Variants in ARMC9 observed in about 807,000 individuals in gnomAD.
The protein encoded by ARMC9 is lisH domain-containing protein ARMC9.
In ARMC9, 94 loss-of-function variants were observed where a neutral mutation model predicts 107.0. The ratio of observed to expected loss-of-function variants is 0.88; its 90% CI spans 0.74 to 1.04. ARMC9 has a LOEUF of 1.04. ARMC9 is among the 50% of genes least tolerant of loss of function. The pLI is 0.00. For missense variants in ARMC9, 942 were observed against 1,030.1 expected (o/e 0.91, Z 1.17); for synonymous variants, 380 against 396.9 (o/e 0.96, Z 0.51).
chr2:231,371,123 G>A (rs536556359), intron 24 of ARMC9: 13 of 487,490 alleles, frequency 2.7e-5, no homozygotes, highest in East Asian at 1.2e-4. Flanking sequence ...GGGGAGGCTC[G>A]GCCAGGAGGA....
rs991093477 is a variant in ARMC9, at chr2:231,374,286, G to A, written c.*2751G>A. The A allele has an allele frequency of 5.9e-5, 9 of 152,186 alleles. No individual in the cohort carries two copies. Among genetic ancestry groups the A allele is most frequent in the African/African-American group, 1.9e-4 (8 of 41,442 alleles). The allele number at this position is 152,186 out of a possible 1,614,324, so 9.4% of individuals were successfully genotyped here. On this transcript the variant is annotated 3_prime_UTR_variant, in exon 25 of 25. Transcript: ENST00000611582. ...GGATCTTTGGACCTTCTGGAAAATG[G>A]TAAGGCCCCAGGTAGATTATGGCTC...
chr2:231,359,207 C>G (rs1331119823), intron 22 of ARMC9, among the ~76,000 whole-genome samples: 1 of 152,022 alleles, frequency 6.6e-6, no homozygotes, highest in Non-Finnish European at 1.5e-5. Context: ...CTGCCTCAGC[C>G]TCCTGAGTAG....
intron 23 of ARMC9, among the ~76,000 whole-genome samples, chr2:231,365,783 G>T (rs1490652429): frequency 1.3e-5 from 2 of 152,238 alleles, no homozygotes; most frequent in African/African-American, 4.8e-5. Context: ...CGGCCTCCTG[G>T]GGCTTCATGT....
intron 14 of ARMC9, among the ~76,000 whole-genome samples, chr2:231,274,189 C>G (rs1312085167): frequency 6.6e-6 from 1 of 152,190 alleles, no homozygotes; most frequent in East Asian, 1.9e-4. Context: ...GCAATCTTGG[C>G]TCACTGCAAC....
At position 231,291,345 on chromosome 2, in the gene ARMC9, A is replaced by G. The variant is rs1396310594; in HGVS notation, c.1627-8A>G. ...AATGTTAACTATTACTTTCGCCAAT[A>G]CTTCTAGGGAATGGAAGACATCCTA... On this transcript the variant is annotated splice_polypyrimidine_tract_variant and splice_region_variant and intron_variant, in intron 17 of 24. Coordinates refer to ENST00000611582, the MANE Select transcript of ARMC9 (RefSeq NM_001352754.2). 6.2e-7 allele frequency: 1 copy of G among 1,611,230 alleles called. No homozygotes were observed. The highest frequency in any genetic ancestry group is 2.2e-5 in the East Asian group (1 of 44,828).
chr2:231,206,401 G>A, intron 2 of ARMC9, 112 bp downstream of exon 2: 1 of 894,838 alleles, frequency 1.1e-6, no homozygotes, highest in East Asian at 2.8e-5. Context: ...TTGTTATGTT[G>A]GAGCTATTTT....
At chr2:231,344,605 C>T (rs1055161870) in intron 20 of ARMC9, among the ~76,000 whole-genome samples, 1 of 152,154 alleles carries the variant, frequency 6.6e-6, no homozygotes, top group Admixed American at 6.5e-5. Context: ...TAACATACTG[C>T]GCATGTGGAA....
Position 231,267,571 on chromosome 2 carries a change from G to T in ARMC9, c.1120-3411G>T, listed in dbSNP as rs1219003869. ...TGCCTAAGGGCAATGGTGAGCTGCTGTGTATTTTGGCTTTACGCTCACTTG... is the reference window on the plus strand; with the variant it reads ...TGCCTAAGGGCAATGGTGAGCTGCTTTGTATTTTGGCTTTACGCTCACTTG... On this transcript the variant is annotated intron_variant, in intron 12 of 24. Transcript: ENST00000611582. Among the ~76,000 whole-genome samples, 4 of 152,304 alleles carry T rather than the reference G, an allele frequency of 2.6e-5. No homozygotes were observed. In the East Asian group the frequency reaches 7.7e-4, roughly 29 times the overall value.
intron 20 of ARMC9, among the ~76,000 whole-genome samples, chr2:231,342,143 G>A (rs1202581894): frequency 6.6e-6 from 1 of 152,206 alleles, no homozygotes; most frequent in Non-Finnish European, 1.5e-5. Flanking sequence ...GCAAGGGGAG[G>A]GGAAGCCCAG....
intron 20 of ARMC9, among the ~76,000 whole-genome samples, chr2:231,334,182 G>T (rs1195848577): frequency 6.6e-6 from 1 of 152,336 alleles, no homozygotes; most frequent in East Asian, 1.9e-4. Flanking sequence ...GTGAAGATGG[G>T]AAGAGCCAGT....
chr2:231,370,013 C>T lies in ARMC9; in HGVS notation c.2322C>T (p.Asp774=). ...CCCCCTGCACTCCAGAGATGCTGGA[C>T]TGGAACCCACCCAAGGCAAAGGCGT... is the stretch of plus-strand genomic sequence containing the variant. ...PRAPCTPEML[D]WNPPKAKASV... is the part of the protein sequence containing the mutation. The change falls in exon 24 of 25, where the codon GAC becomes GAT. Residue 774 remains aspartate, a synonymous_variant. Coordinates refer to ENST00000611582, the MANE Select transcript of ARMC9 (RefSeq NM_001352754.2). 2 of 1,535,728 alleles carry T rather than the reference C, an allele frequency of 1.3e-6. No individual in the cohort carries two copies. Among genetic ancestry groups the T allele is most frequent in the Non-Finnish European group, 1.7e-6 (2 of 1,146,674 alleles).
rs2037822928 is a variant in ARMC9, at chr2:231,256,448, A to C, written c.880-138A>C. 12 of 1,257,284 alleles carry C rather than the reference A, an allele frequency of 9.5e-6. No individual in the cohort carries two copies. In the South Asian group the frequency reaches 1.2e-4, roughly 13 times the overall value. 77.9% of individuals were successfully genotyped at this position (1,257,284 alleles called of 1,614,324 possible). Reference sequence around the variant, plus strand: ...AATAAAGCGTTTGTGTTTCAAGTTAAAAAAAAAAACCAAAAAAAAAAACCC... The same window carrying C: ...AATAAAGCGTTTGTGTTTCAAGTTACAAAAAAAAACCAAAAAAAAAAACCC... On this transcript the variant is annotated intron_variant, in intron 9 of 24. Coordinates refer to ENST00000611582, the MANE Select transcript of ARMC9 (RefSeq NM_001352754.2).
Position 231,360,690 on chromosome 2 carries a change from G to A in ARMC9, c.2132-64G>A, listed in dbSNP as rs1448701220. On this transcript the variant is annotated intron_variant, in intron 22 of 24. Coordinates refer to ENST00000611582, the MANE Select transcript of ARMC9 (RefSeq NM_001352754.2). The surrounding 1 kb of genome is among the most constrained non-coding windows in gnomAD (Gnocchi z 4.7). ...TTCTTGGCTTTCCAACCCAGCCCACGAGAGGGCATCCTTAGAGGGGCTCCA... is the reference window on the plus strand; with the variant it reads ...TTCTTGGCTTTCCAACCCAGCCCACAAGAGGGCATCCTTAGAGGGGCTCCA... 1.3e-6 allele frequency: 2 copies of A among 1,535,556 alleles called. No individual in the cohort carries two copies. Among genetic ancestry groups the A allele is most frequent in the Admixed American group, 2.0e-5 (1 of 50,998 alleles).
At chr2:231,331,928 A>C (rs1414369371) in intron 20 of ARMC9, 31 bp downstream of exon 20, 1 of 1,557,988 alleles carries the variant, frequency 6.4e-7, no homozygotes, top group Admixed American at 1.7e-5. Flanking sequence ...GGGGATCCTG[A>C]AACAGAAAGG....
intron 19 of ARMC9, among the ~76,000 whole-genome samples, chr2:231,312,936 A>G (rs1319316429): frequency 6.6e-6 from 1 of 152,136 alleles, no homozygotes; most frequent in Non-Finnish European, 1.5e-5. Context: ...AAGCTCTGGG[A>G]ATGTTGTAAA....
At chr2:231,296,938 C>T (rs2041413225) in intron 19 of ARMC9, among the ~76,000 whole-genome samples, 1 of 152,206 alleles carries the variant, frequency 6.6e-6, no homozygotes, top group Non-Finnish European at 1.5e-5. Context: ...CCTTCATTTG[C>T]AGGGAGCAGT....
At position 231,358,453 on chromosome 2, in the gene ARMC9, C is replaced by T. The variant is rs1023161965; in HGVS notation, c.2132-2301C>T. Reference sequence around the variant, plus strand: ...TTGGGCTCAAGCGATCCTCCCGCCTCGGCCTCCCAAAGTGCTGGGATTACA... The same window carrying T: ...TTGGGCTCAAGCGATCCTCCCGCCTTGGCCTCCCAAAGTGCTGGGATTACA... On this transcript the variant is annotated intron_variant, in intron 22 of 24. Transcript: ENST00000611582. The surrounding 1 kb of genome is among the most constrained non-coding windows in gnomAD (Gnocchi z 4.5). Among the ~76,000 whole-genome samples the T allele has an allele frequency of 3.3e-5, 5 of 152,240 alleles. No individual in the cohort carries two copies. The highest frequency in any genetic ancestry group is 4.8e-5 in the African/African-American group (2 of 41,540).
chr2:231,237,176 G>GTA (rs2035793728), intron 8 of ARMC9, among the ~76,000 whole-genome samples: 1 of 8,280 alleles, frequency 1.2e-4, no homozygotes, highest in Admixed American at 1.3e-3. Flanking sequence ...CTGCGTATGC[G>GTA]TGTGTGTGTG....
intron 24 of ARMC9, chr2:231,371,051 C>A (rs754714675): frequency 4.4e-6 from 2 of 457,084 alleles, no homozygotes; most frequent in South Asian, 3.1e-5. Context: ...GGAAACACAC[C>A]CAAAACCCCA....
Sources: gnomAD v4.1 joint callset for allele counts (sites outside exome capture counted in the v4.1 genomes callset) on GRCh38, gnomAD v4.1.1 for gene constraint, Gnocchi (gnomAD v3.1) non-coding constraint, MANE v1.5 for transcripts, NCBI Gene and HGNC (gene_info 2026-07-23, HGNC 2026-07-21) for gene names.